ROBO2: variants seen among roughly 807,000 people sequenced by gnomAD.
ROBO2 encodes the protein roundabout homolog 2.
ROBO2 carries 53 observed loss-of-function variants against 160.8 expected under a neutral mutation model. The ratio of observed to expected loss-of-function variants is 0.33; its 90% CI spans 0.26 to 0.41. ROBO2 has a LOEUF of 0.41. Ranked by LOEUF, ROBO2 falls within the 10% of genes least tolerant of loss-of-function variation. The pLI is 1.00. For synonymous variants in ROBO2, 664 were observed against 611.7 expected, an observed-to-expected ratio of 1.09 and a Z score of -1.26; for missense variants, 1,577 against 1,722.4, an observed-to-expected ratio of 0.92 and a Z score of 1.49.
intron 2 of ROBO2, among the ~76,000 whole-genome samples, chr3:76,669,192 A>T (rs1383263370): frequency 6.6e-6 from 1 of 152,110 alleles, no homozygotes; most frequent in Non-Finnish European, 1.5e-5. Flanking sequence ...ACTCAGTCCG[A>T]TCAAAACTGC....
intron 2 of ROBO2, among the ~76,000 whole-genome samples, chr3:77,117,411 A>T (rs1411512967): frequency 6.6e-6 from 1 of 152,148 alleles, no homozygotes; most frequent in Non-Finnish European, 1.5e-5. Context: ...AAGATTTGCA[A>T]AATTTTTGTG....
intron 1 of ROBO2, among the ~76,000 whole-genome samples, chr3:75,927,863 G>A (rs1271074710): frequency 1.3e-5 from 2 of 151,706 alleles, no homozygotes; most frequent in Non-Finnish European, 2.9e-5. Context: ...TGTTTGTCTT[G>A]TTTGGAGTCT....
At chr3:76,317,474 C>T (rs1039555497) in intron 2 of ROBO2, among the ~76,000 whole-genome samples, 5 of 152,108 alleles carry the variant, frequency 3.3e-5, no homozygotes, top group Admixed American at 6.5e-5. Flanking sequence ...AAGAAAGCAA[C>T]ACTGTTGTTC....
Position 77,602,517 on chromosome 3 carries a change from G to A in ROBO2, c.3136+26G>A, listed in dbSNP as rs755862279. Reference sequence around the variant, plus strand: ...GTGAGTCAGGTTCTTGTGTCCTGAGGAGGTATTTTCATATCATTTGTGCAT... The same window carrying A: ...GTGAGTCAGGTTCTTGTGTCCTGAGAAGGTATTTTCATATCATTTGTGCAT... On this transcript the variant is annotated intron_variant, in intron 20 of 25. Transcript: ENST00000461745. 5.0e-6 allele frequency: 8 copies of A among 1,612,536 alleles called. No individual in the cohort carries two copies. In the East Asian group the frequency reaches 1.8e-4, roughly 36 times the overall value.
At chr3:77,191,910 G>A (rs1012409869) in intron 2 of ROBO2, among the ~76,000 whole-genome samples, 3 of 152,104 alleles carry the variant, frequency 2.0e-5, no homozygotes, top group Non-Finnish European at 2.9e-5. Context: ...GCGAGAGAAC[G>A]ATAAACATTA....
At chr3:77,449,971 A>T (rs768459347) in intron 2 of ROBO2, among the ~76,000 whole-genome samples, 1 of 152,126 alleles carries the variant, frequency 6.6e-6, no homozygotes, top group African/African-American at 2.4e-5. Flanking sequence ...TCAATAGAAA[A>T]TAAAATAATT....
intron 2 of ROBO2, among the ~76,000 whole-genome samples, chr3:76,665,907 A>T (rs9860411): frequency 0.22 from 14,838 of 68,580 alleles, 2,506 homozygotes; most frequent in African/African-American, 0.46. Context: ...ATTATATATA[A>T]TATACACATA....
At chr3:76,978,488 C>T (rs1381618117) in intron 2 of ROBO2, among the ~76,000 whole-genome samples, 4 of 151,942 alleles carry the variant, frequency 2.6e-5, no homozygotes, top group East Asian at 1.9e-4. Flanking sequence ...TGAATAAATG[C>T]GATGGATTCT....
At chr3:76,941,663 A>G (rs569761467) in intron 2 of ROBO2, among the ~76,000 whole-genome samples, 1 of 152,306 alleles carries the variant, frequency 6.6e-6, no homozygotes, top group South Asian at 2.1e-4. Context: ...TAGTAGATAC[A>G]ATAATGCCTT....
At chr3:77,436,524 C>A (rs1156470855) in intron 2 of ROBO2, among the ~76,000 whole-genome samples, 2 of 151,696 alleles carry the variant, frequency 1.3e-5, no homozygotes, top group Non-Finnish European at 3.0e-5. Context: ...CAGCCTGTAT[C>A]AACATTGCTA....
chr3:77,509,627 A>C (rs2089102868), intron 5 of ROBO2, among the ~76,000 whole-genome samples: 4 of 152,054 alleles, frequency 2.6e-5, no homozygotes, highest in Admixed American at 2.0e-4. Context: ...ACAGAAAATA[A>C]AGTGATTCTT....
rs983720600 is a variant in ROBO2, at chr3:76,063,848, C to T, written c.109+126246C>T. ...GTGTGTGTGTGTGAATATAACTAAG[C>T]AAATTATACCACAAGAGTGATCCTC... On this transcript the variant is annotated intron_variant, in intron 2 of 26. Transcript: ENST00000487694. Among the ~76,000 whole-genome samples the T allele has an allele frequency of 2.0e-5, 3 of 152,098 alleles. No homozygotes were observed. The East Asian group carries it at 5.8e-4, about 29-fold the overall frequency.
chr3:75,932,549 T>A (rs1947590555), intron 1 of ROBO2, among the ~76,000 whole-genome samples: 1 of 152,218 alleles, frequency 6.6e-6, no homozygotes, highest in Non-Finnish European at 1.5e-5. Flanking sequence ...ACAGCACATT[T>A]TAGCAGGCAT....
At chr3:75,942,631 A>T (rs1030424405) in intron 2 of ROBO2, among the ~76,000 whole-genome samples, 26 of 152,162 alleles carry the variant, frequency 1.7e-4, no homozygotes, top group African/African-American at 6.3e-4. Flanking sequence ...ACTCCCAAAC[A>T]TTTGAAATCC....
chr3:76,055,350 A>G (rs1559872475), intron 2 of ROBO2, among the ~76,000 whole-genome samples: 3 of 152,146 alleles, frequency 2.0e-5, no homozygotes, highest in African/African-American at 7.2e-5. Flanking sequence ...TATTGTATTT[A>G]TCTTATTTTC....
Position 77,159,535 on chromosome 3 carries a change from T to C in ROBO2, c.388+61195T>C, listed in dbSNP as rs72891557. Among the ~76,000 whole-genome samples the C allele has an allele frequency of 8.6e-3, 1,309 of 152,294 alleles. 21 individuals carry two copies. Among genetic ancestry groups the C allele is most frequent in the African/African-American group, 0.029 (1,197 of 41,574 alleles). On this transcript the variant is annotated intron_variant, in intron 2 of 25. Transcript: ENST00000461745. Reference sequence around the variant, plus strand: ...GGTCAGTAGAACTTGTATTCAATACTGTTCATTCTTTAGTCATCAGTGGCA... The same window carrying C: ...GGTCAGTAGAACTTGTATTCAATACCGTTCATTCTTTAGTCATCAGTGGCA...
In ROBO2 at chr3:76,803,578, A is replaced by G. The variant is rs567054783; in HGVS notation, c.110-294436A>G. On this transcript the variant is annotated intron_variant, in intron 2 of 26. Transcript: ENST00000487694. Reference sequence around the variant, plus strand: ...AAAGGAGAGAGGAAAAAAAACACACAGACGTACACACATACAAACTTATCT... The same window carrying G: ...AAAGGAGAGAGGAAAAAAAACACACGGACGTACACACATACAAACTTATCT... Among the ~76,000 whole-genome samples the G allele has an allele frequency of 3.9e-5, 6 of 152,208 alleles. No individual in the cohort carries two copies. The South Asian group carries it at 1.2e-3, about 32-fold the overall frequency.
At chr3:76,803,629 A>G (rs10511053) in intron 2 of ROBO2, among the ~76,000 whole-genome samples, 1,807 of 152,284 alleles carry the variant, frequency 0.012, 105 homozygotes, top group Admixed American at 0.086. Context: ...AAACTATTTT[A>G]TCAATTTTAT....
chr3:76,721,780 T>A (rs756696698), intron 2 of ROBO2, among the ~76,000 whole-genome samples: 10 of 152,244 alleles, frequency 6.6e-5, no homozygotes, highest in Admixed American at 2.0e-4. Flanking sequence ...GCTGTTTTCA[T>A]TTCAATCATG....
Sources: allele counts gnomAD v4.1 joint callset (sites outside exome capture counted in the v4.1 genomes callset), GRCh38; gene constraint gnomAD v4.1.1; transcripts MANE v1.5; gene names NCBI Gene and HGNC (gene_info 2026-07-23, HGNC 2026-07-21).